Variants in NMT1 observed in about 807,000 individuals in gnomAD.
NMT1 encodes the protein N-myristoyltransferase 1.
NMT1 carries 12 observed loss-of-function variants against 63.4 expected under a neutral mutation model. That is an observed-to-expected ratio of 0.19 (90% CI 0.12 to 0.31). The LOEUF (loss-of-function observed/expected upper bound fraction) is 0.31. NMT1 is among the 10% of genes least tolerant of loss of function. NMT1 has a pLI of 1.00. For missense variants in NMT1, 432 were observed against 634.6 expected, an observed-to-expected ratio of 0.68 and a Z score of 3.43; for synonymous variants, 228 against 234.3, an observed-to-expected ratio of 0.97 and a Z score of 0.25.
In NMT1 at chr17:45,105,312, CTGAG is replaced by C. The variant is rs1649547954; in HGVS notation, c.1471-306_1471-303del. 6.6e-6 allele frequency among the ~76,000 whole-genome samples: 1 copy of C among 152,158 alleles called. No homozygotes were observed. ...CCAGGAGGGTAGGGCTGGGGGAACT[CTGAG>C]GAGGTTTCCTCTCCTGAGCTGCTGC... On this transcript the variant is annotated intron_variant, in intron 11 of 11. Coordinates refer to ENST00000258960, the MANE Select transcript of NMT1 (RefSeq NM_021079.5). The surrounding 1 kb of genome is among the most constrained non-coding windows in gnomAD (Gnocchi z 4.2).
chr17:45,063,162 G>T (rs1004532632), intron 1 of NMT1, among the ~76,000 whole-genome samples: 2 of 134,012 alleles, frequency 1.5e-5, no homozygotes, highest in African/African-American at 5.7e-5. Flanking sequence ...CTGAGATCAC[G>T]CCACTGCACT....
At position 45,104,657 on chromosome 17, in the gene NMT1, A is replaced by G. The variant is rs1468486046; in HGVS notation, c.1333-202A>G. On this transcript the variant is annotated intron_variant, in intron 10 of 11. Transcript: ENST00000258960. The surrounding 1 kb of genome is among the most constrained non-coding windows in gnomAD (Gnocchi z 4.2). ...GTGTACACTCTGAGGGACACTGGGC[A>G]GAGGCCAGGCTGGAGGGGGCGCTCA... The G allele has an allele frequency of 2.9e-5, 41 of 1,418,704 alleles. No individual in the cohort carries two copies. Among genetic ancestry groups the G allele is most frequent in the Non-Finnish European group, 3.8e-5 (41 of 1,088,654 alleles). 87.9% of individuals were successfully genotyped at this position (1,418,704 alleles called of 1,614,324 possible). A position where few individuals can be genotyped will look rare whatever the true frequency, so the allele number is the denominator to read the frequency against.
rs2054215402 is a variant in NMT1, at chr17:45,108,155, A to AG, written c.*2518dup. ...CCGTCCTCGAGCAACTGCTGTTGGA[A>AG]GGCCTCCCTGGGCCTGGCCCCCACC... On this transcript the variant is annotated 3_prime_UTR_variant, in exon 12 of 12. Transcript: ENST00000258960. The AG allele has an allele frequency of 6.6e-6, 1 of 152,328 alleles. No homozygotes were observed. The highest frequency in any genetic ancestry group is 6.5e-5 in the Admixed American group (1 of 15,284). The allele number at this position is 152,328 out of a possible 1,614,324, so 9.4% of individuals were successfully genotyped here. A position where few individuals can be genotyped will look rare whatever the true frequency, so the allele number is the denominator to read the frequency against.
chr17:45,104,456 T>A lies in NMT1; in HGVS notation c.1333-403T>A. On this transcript the variant is annotated intron_variant, in intron 10 of 11. Coordinates refer to ENST00000258960, the MANE Select transcript of NMT1 (RefSeq NM_021079.5). This position sits in a 1 kb window ranked among gnomAD's most constrained non-coding sequence, Gnocchi z 4.2. ...ATGAGGTGCACTGAGGGCCTGAGAG[T>A]TGGGGCATCCATGGAGTAAGGAAGC... is the stretch of plus-strand genomic sequence containing the variant. 9.2e-7 allele frequency: 1 copy of A among 1,089,892 alleles called. No homozygotes were observed. The highest frequency in any genetic ancestry group is 1.1e-6 in the Non-Finnish European group (1 of 893,466). 67.5% of individuals were successfully genotyped at this position (1,089,892 alleles called of 1,614,324 possible).
At chr17:45,066,981 A>G (rs1392502014) in intron 1 of NMT1, among the ~76,000 whole-genome samples, 4 of 152,120 alleles carry the variant, frequency 2.6e-5, no homozygotes, top group East Asian at 3.9e-4. Flanking sequence ...TGGCCTCCCA[A>G]ACTGCTGGGA....
At chr17:45,072,152 T>C (rs2053944187) in intron 1 of NMT1, among the ~76,000 whole-genome samples, 1 of 151,486 alleles carries the variant, frequency 6.6e-6, no homozygotes, top group Non-Finnish European at 1.5e-5. Context: ...CGCAGGAGGC[T>C]GAGGTGAGAT....
rs973220799 is a variant in NMT1, at chr17:45,106,255, T to C, written c.*616T>C. On this transcript the variant is annotated 3_prime_UTR_variant, in exon 12 of 12. Coordinates refer to ENST00000258960, the MANE Select transcript of NMT1 (RefSeq NM_021079.5). ...TGGAACAGGCTCAGATCTCATGGGA[T>C]AGCACGTGGAGCTCTTGGCTGGGGC... The C allele has an allele frequency of 6.6e-6, 1 of 152,634 alleles. No homozygotes were observed. Among genetic ancestry groups the C allele is most frequent in the Non-Finnish European group, 1.5e-5 (1 of 68,034 alleles). 9.5% of individuals were successfully genotyped at this position (152,634 alleles called of 1,614,324 possible). A position where few individuals can be genotyped will look rare whatever the true frequency, so the allele number is the denominator to read the frequency against.
chr17:45,070,553 G>A (rs2053933325), intron 1 of NMT1, among the ~76,000 whole-genome samples: 1 of 152,202 alleles, frequency 6.6e-6, no homozygotes, highest in Non-Finnish European at 1.5e-5. Context: ...GGGTAGCTGG[G>A]ACTGTAGTCG....
rs946116469 is a variant in NMT1 at position 45,061,454 on chromosome 17, A to G, written c.125A>G (p.Asn42Ser). 1.1e-5 allele frequency: 18 copies of G among 1,612,470 alleles called. No individual in the cohort carries two copies. The highest frequency in any genetic ancestry group is 1.4e-5 in the Non-Finnish European group (17 of 1,179,422). Residue 42 changes from asparagine (N) to serine (S), a missense_variant, in exon 1 of 12, where the codon AAC becomes AGC. Asn to Ser is a conservative substitution (Grantham distance 46). This residue lies in a region of NMT1 where 121 missense variants were observed against 103.7 expected (regional missense o/e 1.17). Transcript: ENST00000258960. ...DCENEEDNSY[N>S]RGGLSPANDT... is the part of the protein sequence containing the mutation. ...GAGAATGAGGAGGACAACAGCTACA[A>G]CCGGGGGTAACGAAATCCTCGGAGT...
chr17:45,098,712 G>A, intron 7 of NMT1, 160 bp downstream of exon 7: 1 of 629,796 alleles, frequency 1.6e-6, no homozygotes, highest in Non-Finnish European at 2.7e-6. Context: ...TGGGGAGCAT[G>A]GAGAGGGCGG....
chr17:45,096,505 G>A (rs1187785879), intron 5 of NMT1, among the ~76,000 whole-genome samples: 3 of 152,226 alleles, frequency 2.0e-5, no homozygotes, highest in African/African-American at 7.2e-5. Context: ...CCTTCGTAGA[G>A]CTAGTACCCA....
intron 1 of NMT1, among the ~76,000 whole-genome samples, chr17:45,070,142 A>G (rs926178824): frequency 1.3e-5 from 2 of 152,180 alleles, no homozygotes; most frequent in African/African-American, 2.4e-5. Flanking sequence ...GTTCACCCTC[A>G]GTACTCTGGC....
intron 3 of NMT1, 101 bp from the exon 4 acceptor site, chr17:45,093,584 C>T (rs1021108093): frequency 2.3e-6 from 2 of 863,188 alleles, no homozygotes; most frequent in Non-Finnish European, 1.8e-6. Flanking sequence ...ATAGAGGGCT[C>T]CTAGGGACAG....
At chr17:45,096,121 A>G in intron 4 of NMT1, 73 bp from the exon 5 acceptor site, 1 of 1,131,384 alleles carries the variant, frequency 8.8e-7, no homozygotes, top group African/African-American at 1.5e-5. Flanking sequence ...TGAAAAGCCT[A>G]GAGCCCCAGG....
intron 7 of NMT1, 121 bp downstream of exon 7, chr17:45,098,673 G>C: frequency 2.1e-6 from 2 of 932,762 alleles, no homozygotes; most frequent in South Asian, 1.6e-5. Context: ...ATCTGGTAAG[G>C]CGGGCACTTG....
chr17:45,064,038 A>G (rs1440701067), intron 1 of NMT1, among the ~76,000 whole-genome samples: 1 of 151,846 alleles, frequency 6.6e-6, no homozygotes, highest in African/African-American at 2.4e-5. Flanking sequence ...TAGAAAAATT[A>G]GCTGGGCATG....
intron 1 of NMT1, among the ~76,000 whole-genome samples, chr17:45,072,805 C>T (rs1373369553): frequency 1.3e-5 from 2 of 151,134 alleles, no homozygotes; most frequent in Non-Finnish European, 3.0e-5. Context: ...GTGATCCACC[C>T]GCCTCGGCCT....
intron 1 of NMT1, among the ~76,000 whole-genome samples, chr17:45,068,988 T>C (rs1013314258): frequency 6.7e-6 from 1 of 149,166 alleles, no homozygotes; most frequent in Non-Finnish European, 1.5e-5. Context: ...TGAGACAGAG[T>C]CTCACTCTGT....
In NMT1 at chr17:45,108,398, C is replaced by G. The variant is rs2143533368; in HGVS notation, c.*2759C>G. 1 of 152,478 alleles carries G rather than the reference C, an allele frequency of 6.6e-6. No homozygotes were observed. Among genetic ancestry groups the G allele is most frequent in the African/African-American group, 2.4e-5 (1 of 41,558 alleles). The allele number at this position is 152,478 out of a possible 1,614,324, so 9.4% of individuals were successfully genotyped here. The stretch of plus-strand genomic sequence containing the variant: ...GTCTTATTTGAAGGCCAGCCCACAC[C>G]CAGCTACTTTAACACCAGGTTTATG... On this transcript the variant is annotated 3_prime_UTR_variant, in exon 12 of 12. Coordinates refer to ENST00000258960, the MANE Select transcript of NMT1 (RefSeq NM_021079.5).
Sources: gnomAD v4.1 joint callset for allele counts (sites outside exome capture counted in the v4.1 genomes callset) on GRCh38, gnomAD v4.1.1 for gene constraint, gnomAD v4.1.1 regional missense constraint, Gnocchi (gnomAD v3.1) non-coding constraint, MANE v1.5 for transcripts, NCBI Gene and HGNC (gene_info 2026-07-23, HGNC 2026-07-21) for gene names.